The following RGS6 variants were observed in gnomAD, a reference collection of about 807,000 sequenced individuals.
The protein encoded by RGS6 is regulator of G protein signaling 6.
In RGS6, 30 loss-of-function variants were observed where a neutral mutation model predicts 78.5. The observed-to-expected ratio is 0.38, with a 90% CI of 0.29 to 0.52. The LOEUF (loss-of-function observed/expected upper bound fraction) is 0.52. RGS6 is among the 20% of genes least tolerant of loss of function. The pLI, the probability that RGS6 is intolerant of heterozygous loss-of-function variation, is 0.85. For synonymous variants in RGS6, 206 were observed against 206.0 expected (o/e 1.00, Z 0.00); for missense variants, 495 against 609.7 (o/e 0.81, Z 1.98).
At chr14:72,488,051 TA>T (rs1375322332) in intron 12 of RGS6, among the ~76,000 whole-genome samples, 2 of 152,196 alleles carry the variant, frequency 1.3e-5, no homozygotes, top group Non-Finnish European at 2.9e-5. Flanking sequence ...ACATTCAAAA[TA>T]TGTATGCCCA....
intron 3 of RGS6, among the ~76,000 whole-genome samples, chr14:72,381,557 T>C (rs1370438244): frequency 6.6e-6 from 1 of 152,138 alleles, no homozygotes; most frequent in African/African-American, 2.4e-5. Context: ...TCATGTGCTC[T>C]GATAAAATAA....
At chr14:71,981,142 T>G (rs1464411169) in intron 2 of RGS6, among the ~76,000 whole-genome samples, 2 of 146,610 alleles carry the variant, frequency 1.4e-5, no homozygotes, top group African/African-American at 5.0e-5. Context: ...TCTGTATTGA[T>G]TATTCTAGTT....
At chr14:72,049,828 GTA>G (rs2093114751) in intron 2 of RGS6, among the ~76,000 whole-genome samples, 1 of 152,158 alleles carries the variant, frequency 6.6e-6, no homozygotes, top group South Asian at 2.1e-4. Context: ...TATCTGCCAT[GTA>G]TAGTCTCTAA....
intron 15 of RGS6, among the ~76,000 whole-genome samples, chr14:72,526,494 G>A (rs2097123170): frequency 6.7e-6 from 1 of 148,748 alleles, no homozygotes; most frequent in Non-Finnish European, 1.5e-5. Context: ...ACTTTTCTAA[G>A]AGTAGGGATT....
the RGS6 span, among the ~76,000 whole-genome samples, chr14:71,885,181 T>C: frequency 6.6e-6 from 1 of 152,154 alleles, no homozygotes; most frequent in Non-Finnish European, 1.5e-5. Flanking sequence ...ATTTAAATTA[T>C]AAACAAATTT....
chr14:72,063,062 G>A (rs577065625), intron 2 of RGS6, among the ~76,000 whole-genome samples: 18 of 152,290 alleles, frequency 1.2e-4, no homozygotes, highest in African/African-American at 4.3e-4. Flanking sequence ...GGCCTCAAGT[G>A]ATCTGCCCGC....
At chr14:72,483,887 T>C (rs1271099791) in intron 12 of RGS6, among the ~76,000 whole-genome samples, 1 of 152,182 alleles carries the variant, frequency 6.6e-6, no homozygotes, top group African/African-American at 2.4e-5. Flanking sequence ...CAAGTTTCTC[T>C]ATTGAATGTG....
intron 2 of RGS6, among the ~76,000 whole-genome samples, chr14:72,205,040 GA>G (rs1373314660): frequency 6.6e-6 from 1 of 152,218 alleles, no homozygotes; most frequent in Admixed American, 6.5e-5. Flanking sequence ...AGCATGAGCA[GA>G]TAGAGGGCAG....
intron 2 of RGS6, among the ~76,000 whole-genome samples, chr14:72,221,610 T>G (rs979636979): frequency 3.3e-5 from 5 of 152,310 alleles, no homozygotes; most frequent in Admixed American, 3.3e-4. Context: ...CTTTTACTTT[T>G]TTTTTCTGTA....
At chr14:72,154,476 C>G (rs943464955) in intron 2 of RGS6, among the ~76,000 whole-genome samples, 2 of 152,144 alleles carry the variant, frequency 1.3e-5, no homozygotes, top group African/African-American at 4.8e-5. Flanking sequence ...ATTTATGTTC[C>G]TCTGCTGTGG....
chr14:71,884,228 T>C, the RGS6 span, among the ~76,000 whole-genome samples: 3 of 152,306 alleles, frequency 2.0e-5, no homozygotes, highest in South Asian at 6.2e-4. Flanking sequence ...CAACAACACC[T>C]CCTGCGAGCC....
At chr14:72,418,512 G>A (rs1350564615) in intron 3 of RGS6, among the ~76,000 whole-genome samples, 1 of 152,130 alleles carries the variant, frequency 6.6e-6, no homozygotes, top group East Asian at 1.9e-4. Context: ...TTAAGAGGAG[G>A]TAGAAGGAAA....
At chr14:72,317,214 A>AT (rs1456663550) in intron 2 of RGS6, among the ~76,000 whole-genome samples, 1 of 152,130 alleles carries the variant, frequency 6.6e-6, no homozygotes, top group Non-Finnish European at 1.5e-5. Flanking sequence ...GATCAGGCAC[A>AT]AAGTAAGCAC....
At chr14:72,211,791 G>A (rs537275724) in intron 2 of RGS6, among the ~76,000 whole-genome samples, 60 of 152,188 alleles carry the variant, frequency 3.9e-4, no homozygotes, top group South Asian at 1.2e-3. Context: ...AAAAGAAGAG[G>A]GCTGAGTTAC....
At chr14:72,001,230 G>T (rs1012778755) in intron 2 of RGS6, among the ~76,000 whole-genome samples, 2 of 151,034 alleles carry the variant, frequency 1.3e-5, no homozygotes, top group African/African-American at 5.0e-5. Flanking sequence ...TTCATTCAGT[G>T]GGAAACAATG....
At chr14:72,229,487 G>T (rs1357520704) in intron 2 of RGS6, among the ~76,000 whole-genome samples, 11 of 152,094 alleles carry the variant, frequency 7.2e-5, no homozygotes, top group African/African-American at 2.7e-4. Flanking sequence ...ATGTCCTCTT[G>T]TAGGGACCCC....
At chr14:72,097,330 G>T (rs2095429759) in intron 2 of RGS6, among the ~76,000 whole-genome samples, 1 of 152,160 alleles carries the variant, frequency 6.6e-6, no homozygotes, top group South Asian at 2.1e-4. Context: ...AAAATAAATA[G>T]AATTAATTTT....
chr14:71,903,453 G>A, the RGS6 span, among the ~76,000 whole-genome samples: 1 of 152,212 alleles, frequency 6.6e-6, no homozygotes, highest in Non-Finnish European at 1.5e-5. Context: ...TAAAGGTCAT[G>A]GGAATTAACA....
chr14:72,501,887 C>G (rs2153428173), intron 13 of RGS6, among the ~76,000 whole-genome samples: 1 of 152,336 alleles, frequency 6.6e-6, no homozygotes, highest in African/African-American at 2.4e-5. Context: ...TGCTGAGAGG[C>G]AGAGATCATC....
Sources: allele counts gnomAD v4.1 joint callset (sites outside exome capture counted in the v4.1 genomes callset), GRCh38; gene constraint gnomAD v4.1.1; transcripts MANE v1.5; gene names NCBI Gene and HGNC (gene_info 2026-07-23, HGNC 2026-07-21).